Variants in AQP7B observed in about 807,000 individuals in gnomAD.
AQP7B encodes aquaporin 7B.
At chr2:94,602,808 A>T in the AQP7B span, among the ~76,000 whole-genome samples, 1 of 151,974 alleles carries the variant, frequency 6.6e-6, no homozygotes, top group Non-Finnish European at 1.5e-5. Flanking sequence ...CCCCTGACCT[A>T]CCATTTTCAC....
chr2:94,604,153 A>G, the AQP7B span: 1 of 874,838 alleles, frequency 1.1e-6, no homozygotes, highest in Non-Finnish European at 1.8e-6. Flanking sequence ...GAGGCTGACC[A>G]GGGCCCTGGG....
At chr2:94,603,839 G>C in the AQP7B span, 1 of 1,460,850 alleles carries the variant, frequency 6.8e-7, no homozygotes. Context: ...GTGTCCCATG[G>C]CATAAACACA....
chr2:94,602,016 G>GGTGTGTGTGTGT, the AQP7B span, among the ~76,000 whole-genome samples: 1 of 119,750 alleles, frequency 8.4e-6, no homozygotes, highest in East Asian at 2.6e-4. Flanking sequence ...GAATTGCGGC[G>GGTGTGTGTGTGT]GAGTGTGTGT....
At chr2:94,590,577 T>C in the AQP7B span, among the ~76,000 whole-genome samples, 9 of 152,010 alleles carry the variant, frequency 5.9e-5, no homozygotes, top group Non-Finnish European at 2.9e-5. Context: ...GACTGGTTGA[T>C]TAGATAATTC....
At chr2:94,589,731 T>A in the AQP7B span, among the ~76,000 whole-genome samples, 8 of 151,836 alleles carry the variant, frequency 5.3e-5, no homozygotes, top group Non-Finnish European at 1.2e-4. Flanking sequence ...GACCCACTGG[T>A]GTCTCACAGG....
chr2:94,590,038 C>T, the AQP7B span, among the ~76,000 whole-genome samples: 5 of 152,208 alleles, frequency 3.3e-5, no homozygotes, highest in Non-Finnish European at 7.3e-5. Context: ...TCCCATGCCT[C>T]CCCTGAGCTC....
At chr2:94,588,062 CTGTGTGTGTG>C in the AQP7B span, among the ~76,000 whole-genome samples, 1 of 148,562 alleles carries the variant, frequency 6.7e-6, no homozygotes, top group South Asian at 2.1e-4. Flanking sequence ...TGTTCACCTT[CTGTGTGTGTG>C]TGTGTGTGTG....
At chr2:94,603,120 G>A in the AQP7B span, 5 of 1,564,406 alleles carry the variant, frequency 3.2e-6, no homozygotes, top group Non-Finnish European at 4.4e-6. Context: ...CCATGTGCTG[G>A]GGCAGTTCCT....
At chr2:94,598,671 G>A in the AQP7B span, among the ~76,000 whole-genome samples, 17,101 of 152,214 alleles carry the variant, frequency 0.11, 1,285 homozygotes, top group Non-Finnish European at 0.16. Context: ...CAAGAGAGAC[G>A]GAAACTTCTG....
the AQP7B span, chr2:94,603,573 C>T: frequency 4.7e-6 from 7 of 1,477,560 alleles, no homozygotes; most frequent in Middle Eastern, 2.5e-4. Context: ...GGGAGTCCCT[C>T]CAGATAGACA....
chr2:94,603,987 G>A, the AQP7B span: 1 of 1,015,542 alleles, frequency 9.8e-7, no homozygotes, highest in South Asian at 1.5e-5. Context: ...CCTGTGTGTT[G>A]AGGGGTGGGG....
the AQP7B span, among the ~76,000 whole-genome samples, chr2:94,597,851 C>A: frequency 6.6e-6 from 1 of 152,056 alleles, no homozygotes; most frequent in Non-Finnish European, 1.5e-5. Flanking sequence ...GTGATCCTCC[C>A]ACCTCGGCCT....
At chr2:94,594,155 C>T in the AQP7B span, among the ~76,000 whole-genome samples, 1 of 152,218 alleles carries the variant, frequency 6.6e-6, no homozygotes, top group Non-Finnish European at 1.5e-5. Context: ...CCTCTGTTTG[C>T]ACTGACCTGG....
the AQP7B span, among the ~76,000 whole-genome samples, chr2:94,589,775 G>A: frequency 2.0e-5 from 3 of 151,304 alleles, no homozygotes; most frequent in East Asian, 1.9e-4. Flanking sequence ...AGCCTCCTCC[G>A]CCCCCCACAA....
chr2:94,603,861 C>T, the AQP7B span: 3 of 1,413,290 alleles, frequency 2.1e-6, no homozygotes, highest in South Asian at 1.2e-5. Flanking sequence ...GATATGCCAT[C>T]AATCCATCCC....
At chr2:94,595,447 A>G in the AQP7B span, among the ~76,000 whole-genome samples, 1 of 152,118 alleles carries the variant, frequency 6.6e-6, no homozygotes, top group African/African-American at 2.4e-5. Flanking sequence ...AAAAGAAAAA[A>G]AAGAAAAAAA....
At chr2:94,598,219 T>TAA in the AQP7B span, among the ~76,000 whole-genome samples, 1 of 152,168 alleles carries the variant, frequency 6.6e-6, no homozygotes, top group Non-Finnish European at 1.5e-5. Context: ...GGCTTTTTTT[T>TAA]AAAAATATAT....
At chr2:94,594,638 C>G in the AQP7B span, 1 of 733,058 alleles carries the variant, frequency 1.4e-6, no homozygotes, top group Non-Finnish European at 2.4e-6. Flanking sequence ...GCGTGTGTGG[C>G]GAGGCTGCTG....
the AQP7B span, among the ~76,000 whole-genome samples, chr2:94,594,164 G>A: frequency 1.3e-5 from 2 of 152,156 alleles, no homozygotes; most frequent in Admixed American, 6.5e-5. Context: ...GCACTGACCT[G>A]GTTGCACAGC....
Sources: allele counts gnomAD v4.1 joint callset (sites outside exome capture counted in the v4.1 genomes callset), GRCh38; gene constraint gnomAD v4.1.1; transcripts MANE v1.5; gene names NCBI Gene and HGNC (gene_info 2026-07-23, HGNC 2026-07-21).